The following IL15 variants were observed in gnomAD, a reference collection of about 807,000 sequenced individuals.
IL15 encodes interleukin 15, also known as interleukin-15.
IL15 carries 11 observed loss-of-function variants against 19.6 expected under a neutral mutation model. The observed-to-expected ratio is 0.56, with a 90% CI of 0.35 to 0.93. The LOEUF (loss-of-function observed/expected upper bound fraction) is 0.93. Ranked by LOEUF, IL15 falls within the 40% of genes least tolerant of loss-of-function variation. IL15 has a pLI of 0.01. For synonymous variants in IL15, 58 were observed against 59.6 expected (o/e 0.97, Z 0.12); for missense variants, 197 against 186.5 (o/e 1.06, Z -0.33).
intron 4 of IL15, chr4:141,721,065 C>T: frequency 8.3e-7 from 1 of 1,207,168 alleles, no homozygotes; most frequent in Non-Finnish European, 1.2e-6. Context: ...TTAGATGCAG[C>T]TAATATACCC....
Position 141,727,837 on chromosome 4 carries a change from T to TA in IL15, c.196-96dup, listed in dbSNP as rs985114112. The TA allele has an allele frequency of 2.6e-5, 17 of 652,550 alleles. No individual in the cohort carries two copies. The Middle Eastern group carries it at 2.0e-3, about 77-fold the overall frequency. 40.4% of individuals were successfully genotyped at this position (652,550 alleles called of 1,614,324 possible). ...ATATGAATTTTAAATTATCTCAAAA[T>TA]AAAAAAAGAATTAAAAACAATTTAA... On this transcript the variant is annotated intron_variant, in intron 5 of 7. Transcript: ENST00000320650.
intron 2 of IL15, among the ~76,000 whole-genome samples, chr4:141,661,247 G>A (rs1727776341): frequency 6.6e-6 from 1 of 152,146 alleles, no homozygotes; most frequent in African/African-American, 2.4e-5. Context: ...AGTGATAGCA[G>A]GTGTTGATGA....
intron 2 of IL15, among the ~76,000 whole-genome samples, chr4:141,693,518 A>G (rs1728995133): frequency 6.6e-6 from 1 of 152,216 alleles, no homozygotes; most frequent in Admixed American, 6.5e-5. Context: ...ATAGGTCCCT[A>G]AATCTCTTTG....
At chr4:141,645,041 CTTTCT>C (rs1463647307) in intron 1 of IL15, among the ~76,000 whole-genome samples, 1 of 152,094 alleles carries the variant, frequency 6.6e-6, no homozygotes, top group African/African-American at 2.4e-5. Context: ...GCGTAGCCTG[CTTTCT>C]GATGTTAGAG....
intron 2 of IL15, among the ~76,000 whole-genome samples, chr4:141,681,704 AT>A (rs200242965): frequency 0.011 from 1,643 of 152,166 alleles, 29 homozygotes; most frequent in East Asian, 0.074. Context: ...CTAAGAAAAA[AT>A]TTTTTCCCAA....
At chr4:141,673,506 A>G (rs1316199552) in intron 2 of IL15, among the ~76,000 whole-genome samples, 2 of 152,136 alleles carry the variant, frequency 1.3e-5, no homozygotes, top group Admixed American at 1.3e-4. Flanking sequence ...TACTTTGACT[A>G]TATCTTTCTG....
rs200996049 is a variant in IL15, at chr4:141,682,611, C to T, written c.-100+26304C>T. 4.6e-5 allele frequency among the ~76,000 whole-genome samples: 7 copies of T among 152,222 alleles called. No individual in the cohort carries two copies. In the East Asian group the frequency reaches 5.8e-4, roughly 13 times the overall value. Reference sequence around the variant, plus strand: ...TCTCAGTGGCACATGAACACATGTACATACATGTGTACACATACACACACA... The same window carrying T: ...TCTCAGTGGCACATGAACACATGTATATACATGTGTACACATACACACACA... On this transcript the variant is annotated intron_variant, in intron 2 of 7. Transcript: ENST00000320650.
chr4:141,680,211 C>T (rs1728487339), intron 2 of IL15, among the ~76,000 whole-genome samples: 1 of 152,168 alleles, frequency 6.6e-6, no homozygotes, highest in Non-Finnish European at 1.5e-5. Flanking sequence ...CTACCGATTC[C>T]ATGTGCTTTG....
intron 1 of IL15, among the ~76,000 whole-genome samples, chr4:141,646,598 G>A (rs1356751279): frequency 6.6e-6 from 1 of 152,084 alleles, no homozygotes; most frequent in African/African-American, 2.4e-5. Context: ...ATTTTGGAAA[G>A]TAATATAGTG....
intron 1 of IL15, among the ~76,000 whole-genome samples, chr4:141,645,386 T>C (rs1426527627): frequency 6.6e-6 from 1 of 152,180 alleles, no homozygotes; most frequent in African/African-American, 2.4e-5. Flanking sequence ...TGAGAGCACA[T>C]GTAATAGTAG....
At chr4:141,725,378 T>A (rs2152191657) in intron 5 of IL15, among the ~76,000 whole-genome samples, 1 of 152,140 alleles carries the variant, frequency 6.6e-6, no homozygotes, top group African/African-American at 2.4e-5. Context: ...ACTGGTATCT[T>A]TAGAAAAACA....
At chr4:141,696,428 C>T (rs961737174) in intron 2 of IL15, among the ~76,000 whole-genome samples, 5 of 152,018 alleles carry the variant, frequency 3.3e-5, no homozygotes, top group African/African-American at 1.2e-4. Context: ...AGTAGTTCCA[C>T]ATGAATTTTA....
intron 2 of IL15, among the ~76,000 whole-genome samples, chr4:141,684,502 G>A (rs17007541): frequency 3.3e-5 from 5 of 152,226 alleles, no homozygotes; most frequent in Admixed American, 1.3e-4. Flanking sequence ...AGATTCCTCC[G>A]TTTGGCTTTG....
chr4:141,708,705 C>T (rs1357545079), intron 2 of IL15, among the ~76,000 whole-genome samples: 1 of 152,134 alleles, frequency 6.6e-6, no homozygotes, highest in East Asian at 1.9e-4. Flanking sequence ...TGGTGCTATT[C>T]TCGCCTTCTG....
intron 2 of IL15, among the ~76,000 whole-genome samples, chr4:141,698,840 G>A (rs911144662): frequency 1.1e-4 from 16 of 151,030 alleles, no homozygotes; most frequent in Non-Finnish European, 5.9e-5. Flanking sequence ...AGTTCTGCTC[G>A]GATCTTTGTT....
intron 2 of IL15, among the ~76,000 whole-genome samples, chr4:141,667,097 C>T (rs545826408): frequency 6.6e-6 from 1 of 152,340 alleles, no homozygotes; most frequent in African/African-American, 2.4e-5. Flanking sequence ...CCCATTTACA[C>T]AGGAATGGAA....
At chr4:141,681,684 T>C (rs1476563884) in intron 2 of IL15, among the ~76,000 whole-genome samples, 1 of 152,248 alleles carries the variant, frequency 6.6e-6, no homozygotes. Context: ...CATATATTTC[T>C]ACTGGAAAAC....
rs140282438 is a variant in IL15, at chr4:141,679,170, T to A, written c.-100+22863T>A. On this transcript the variant is annotated intron_variant, in intron 2 of 7. Coordinates refer to ENST00000320650, the MANE Select transcript of IL15 (RefSeq NM_000585.5). Reference sequence around the variant, plus strand: ...AACTTTTATTTACTCAATGACTAAGTAATTTGGGACAAGTCACTAGATACA... The same window carrying A: ...AACTTTTATTTACTCAATGACTAAGAAATTTGGGACAAGTCACTAGATACA... Among the ~76,000 whole-genome samples the A allele has an allele frequency of 1.3e-3, 197 of 152,276 alleles. 4 individuals carry two copies. The highest frequency in any genetic ancestry group is 0.012 in the Admixed American group (181 of 15,300).
At chr4:141,726,904 G>T (rs1177887310) in intron 5 of IL15, among the ~76,000 whole-genome samples, 2 of 152,110 alleles carry the variant, frequency 1.3e-5, no homozygotes, top group Non-Finnish European at 2.9e-5. Context: ...GCCATGAAAA[G>T]AAATGGAGAA....
Sources: gnomAD v4.1 joint callset for allele counts (sites outside exome capture counted in the v4.1 genomes callset) on GRCh38, gnomAD v4.1.1 for gene constraint, MANE v1.5 for transcripts, NCBI Gene and HGNC (gene_info 2026-07-23, HGNC 2026-07-21) for gene names.